DAP: variants seen among roughly 807,000 people sequenced by gnomAD.
DAP encodes death associated protein, also known as death-associated protein 1.
DAP carries 8 observed loss-of-function variants against 13.8 expected under a neutral mutation model. The observed-to-expected ratio is 0.58, with a 90% CI of 0.34 to 1.05. The LOEUF is 1.05. Among genes scored for constraint, DAP ranks in the 50% least tolerant of loss-of-function variants. The probability of loss-of-function intolerance (pLI) is 0.03; values close to 1 mark genes in which losing one functional copy is unlikely to be tolerated. For missense variants in DAP, 106 were observed against 133.2 expected (o/e 0.80, Z 1.01); for synonymous variants, 47 against 47.5 (o/e 0.99, Z 0.04).
chr5:10,761,218 T>A lies in DAP; in HGVS notation c.-150A>T. ...GGGCGCCGGGGCCGCGCGAGCCGGG[T>A]GAGTGCCACTGCCGTTAAGGGGGCG... On this transcript the variant is annotated 5_prime_UTR_variant, in exon 1 of 4. Coordinates refer to ENST00000230895, the MANE Select transcript of DAP (RefSeq NM_004394.3). 1 of 249,014 alleles carries A rather than the reference T, an allele frequency of 4.0e-6. No homozygotes were observed. The highest frequency in any genetic ancestry group is 7.2e-6 in the Non-Finnish European group (1 of 139,582). The allele number at this position is 249,014 out of a possible 1,614,324, so 15.4% of individuals were successfully genotyped here.
chr5:10,716,315 CG>C lies in DAP; in HGVS notation c.152+31859del, dbSNP rs372986766. ...ATCTATCGTGCAGAGTAAACTCCTT[CG>C]AAGTCTAGATATCTGTGGGTAGTAA... is the stretch of plus-strand genomic sequence containing the variant. On this transcript the variant is annotated intron_variant, in intron 2 of 3. Transcript: ENST00000230895. 2.8e-3 allele frequency among the ~76,000 whole-genome samples: 419 copies of C among 152,302 alleles called. 3 individuals are homozygous for C. Among genetic ancestry groups the C allele is most frequent in the African/African-American group, 9.3e-3 (388 of 41,570 alleles).
intron 2 of DAP, among the ~76,000 whole-genome samples, chr5:10,745,929 C>T (rs1325551385): frequency 6.6e-6 from 1 of 152,210 alleles, no homozygotes; most frequent in Non-Finnish European, 1.5e-5. Flanking sequence ...CGATTCCCAA[C>T]TCAAGAATGC....
intron 2 of DAP, among the ~76,000 whole-genome samples, chr5:10,714,824 T>C (rs1035496308): frequency 6.6e-6 from 1 of 151,908 alleles, no homozygotes; most frequent in African/African-American, 2.4e-5. Flanking sequence ...ACTTCCCCTC[T>C]TGCTCTCTTG....
At chr5:10,755,598 A>G (rs1470199393) in intron 1 of DAP, among the ~76,000 whole-genome samples, 1 of 152,210 alleles carries the variant, frequency 6.6e-6, no homozygotes, top group African/African-American at 2.4e-5. Context: ...TTTGTTAAGA[A>G]GACCCCACCC....
chr5:10,739,431 G>T (rs907384687), intron 2 of DAP, among the ~76,000 whole-genome samples: 22 of 152,080 alleles, frequency 1.4e-4, no homozygotes, highest in Admixed American at 1.4e-3. Context: ...GATGGTTGAG[G>T]TGTTTTTATA....
At chr5:10,752,712 G>T (rs1740077004) in intron 1 of DAP, among the ~76,000 whole-genome samples, 1 of 152,166 alleles carries the variant, frequency 6.6e-6, no homozygotes, top group African/African-American at 2.4e-5. Context: ...GCTTGTGTGT[G>T]TGGCTGTGTG....
At chr5:10,685,190 A>G (rs1476692726) in intron 2 of DAP, among the ~76,000 whole-genome samples, 1 of 47,636 alleles carries the variant, frequency 2.1e-5, no homozygotes, top group Non-Finnish European at 3.5e-5. Context: ...AGAAACTTCA[A>G]GTTTTACTAA....
At chr5:10,739,834 C>T (rs1019616898) in intron 2 of DAP, among the ~76,000 whole-genome samples, 3 of 151,238 alleles carry the variant, frequency 2.0e-5, no homozygotes, top group Non-Finnish European at 2.9e-5. Flanking sequence ...TGGGTTTGAA[C>T]AGAAAAGGCA....
At chr5:10,740,769 T>C (rs1000394757) in intron 2 of DAP, among the ~76,000 whole-genome samples, 4 of 152,110 alleles carry the variant, frequency 2.6e-5, no homozygotes, top group African/African-American at 9.7e-5. Flanking sequence ...CAGCAGACAT[T>C]TACTATCACA....
intron 2 of DAP, among the ~76,000 whole-genome samples, chr5:10,702,956 C>T (rs1348575340): frequency 6.6e-6 from 1 of 152,250 alleles, no homozygotes; most frequent in Non-Finnish European, 1.5e-5. Flanking sequence ...CATAAACGAT[C>T]TGGCATGCCT....
chr5:10,722,583 TATAC>T lies in DAP; in HGVS notation c.152+25588_152+25591del, dbSNP rs1161098080. On this transcript the variant is annotated intron_variant, in intron 2 of 3. Coordinates refer to ENST00000230895, the MANE Select transcript of DAP (RefSeq NM_004394.3). ...GCATATATATACATACATACATATA[TATAC>T]ATATATACATATATATACATATATA... Among the ~76,000 whole-genome samples, 9 of 127,876 alleles carry T rather than the reference TATAC, an allele frequency of 7.0e-5. No individual in the cohort carries two copies. The East Asian group carries it at 7.8e-4, about 11-fold the overall frequency. 83.9% of individuals were successfully genotyped at this position (127,876 alleles called of 152,430 possible).
chr5:10,686,424 A>G (rs1000201586), intron 2 of DAP, among the ~76,000 whole-genome samples: 9 of 152,212 alleles, frequency 5.9e-5, no homozygotes, highest in Admixed American at 2.6e-4. Flanking sequence ...GGTCTCTTGC[A>G]CCAAATAGCC....
intron 1 of DAP, among the ~76,000 whole-genome samples, chr5:10,758,047 G>C (rs1740237977): frequency 6.6e-6 from 1 of 152,174 alleles, no homozygotes; most frequent in African/African-American, 2.4e-5. Context: ...GTCACTGTAA[G>C]AGAATTTTAT....
intron 3 of DAP, among the ~76,000 whole-genome samples, chr5:10,682,881 G>A (rs1376771814): frequency 1.3e-5 from 2 of 152,228 alleles, no homozygotes; most frequent in Admixed American, 1.3e-4. Flanking sequence ...CCAAATCCAG[G>A]ATCTTAAGTT....
intron 1 of DAP, among the ~76,000 whole-genome samples, chr5:10,749,678 G>C (rs541569649): frequency 3.3e-5 from 5 of 151,272 alleles, no homozygotes; most frequent in Non-Finnish European, 7.4e-5. Flanking sequence ...TGTGCTACCT[G>C]CATGAGGAAG....
chr5:10,737,243 G>C (rs1014004216), intron 2 of DAP, among the ~76,000 whole-genome samples: 2 of 152,026 alleles, frequency 1.3e-5, no homozygotes, highest in South Asian at 4.1e-4. Context: ...CTACTCGGGA[G>C]GCTGAGGCAG....
intron 2 of DAP, among the ~76,000 whole-genome samples, chr5:10,712,622 G>A (rs1738882429): frequency 6.6e-6 from 1 of 152,122 alleles, no homozygotes; most frequent in Admixed American, 6.5e-5. Flanking sequence ...ATGGGGTGGG[G>A]GAGACTGGGC....
chr5:10,712,339 A>G (rs761513472), intron 2 of DAP, among the ~76,000 whole-genome samples: 2 of 152,212 alleles, frequency 1.3e-5, no homozygotes, highest in African/African-American at 2.4e-5. Flanking sequence ...AAACTAACAC[A>G]GCAACACACA....
chr5:10,730,926 G>T (rs1407197160), intron 2 of DAP, among the ~76,000 whole-genome samples: 1 of 75,350 alleles, frequency 1.3e-5, no homozygotes, highest in Non-Finnish European at 2.7e-5. Flanking sequence ...TTTCTCTACT[G>T]AGAGCCCTAG....
Sources: gnomAD v4.1 joint callset for allele counts (sites outside exome capture counted in the v4.1 genomes callset) on GRCh38, gnomAD v4.1.1 for gene constraint, MANE v1.5 for transcripts, NCBI Gene and HGNC (gene_info 2026-07-23, HGNC 2026-07-21) for gene names.